The following POM121 variants were observed in gnomAD, a reference collection of about 807,000 sequenced individuals.
The protein encoded by POM121 is POM121 transmembrane nucleoporin.
In POM121, 32 loss-of-function variants were observed where a neutral mutation model predicts 81.3. The observed-to-expected ratio is 0.39, with a 90% CI of 0.30 to 0.53. The LOEUF (loss-of-function observed/expected upper bound fraction) is 0.53, where lower values mean the gene tolerates loss of function less well. Among genes scored for constraint, POM121 ranks in the 20% least tolerant of loss-of-function variants. The probability of loss-of-function intolerance (pLI) is 0.66; values close to 1 mark genes in which losing one functional copy is unlikely to be tolerated. For missense variants in POM121, 1,138 were observed against 1,614.6 expected, an observed-to-expected ratio of 0.70 and a Z score of 5.06; for synonymous variants, 514 against 694.2, an observed-to-expected ratio of 0.74 and a Z score of 4.08.
At position 72,938,498 on chromosome 7, in the gene POM121, G is replaced by A. The variant is rs1251673148; in HGVS notation, c.1276-92G>A. On this transcript the variant is annotated intron_variant, in intron 5 of 12. Transcript: ENST00000434423. ...GACTAACCATTTAACCATAAAGAAT[G>A]TTTTTTTAGTCACTTGAAAAGAGAC... The A allele has an allele frequency of 4.3e-5, 60 of 1,395,510 alleles. No homozygotes were observed. The Admixed American group carries it at 9.9e-4, about 23-fold the overall frequency. The allele number at this position is 1,395,510 out of a possible 1,614,324, so 86.4% of individuals were successfully genotyped here.
intron 4 of POM121, among the ~76,000 whole-genome samples, chr7:72,928,730 A>G (rs1342602104): frequency 1.7e-5 from 2 of 118,862 alleles, no homozygotes; most frequent in Non-Finnish European, 3.9e-5. Flanking sequence ...GCACATACAC[A>G]GAAGGATTGC....
intron 3 of POM121, among the ~76,000 whole-genome samples, chr7:72,899,959 T>C (rs1317339447): frequency 1.3e-5 from 2 of 152,210 alleles, no homozygotes; most frequent in Admixed American, 6.6e-5. Context: ...AAGGTGGTAA[T>C]GTGGGACACA....
intron 1 of POM121, among the ~76,000 whole-genome samples, chr7:72,881,867 G>T (rs1179069951): frequency 3.3e-5 from 5 of 152,136 alleles, no homozygotes; most frequent in African/African-American, 4.8e-5. Flanking sequence ...CTGACCTCAG[G>T]TGATCCTCCT....
upstream of POM121, among the ~76,000 whole-genome samples, chr7:72,921,957 CTTAT>C (rs1794853680): frequency 1.3e-5 from 2 of 152,164 alleles, no homozygotes; most frequent in South Asian, 4.1e-4. Context: ...CTTCTTCACC[CTTAT>C]TTTTTACTAG....
At chr7:72,896,411 A>G (rs1298835100) in intron 3 of POM121, among the ~76,000 whole-genome samples, 1 of 148,690 alleles carries the variant, frequency 6.7e-6, no homozygotes, top group African/African-American at 2.5e-5. Context: ...GCTTGAGCCC[A>G]GGAGGTCAAG....
chr7:72,928,206 G>C (rs1313239881), intron 3 of POM121, among the ~76,000 whole-genome samples, 179 bp from the exon 4 acceptor site: 4 of 151,562 alleles, frequency 2.6e-5, no homozygotes, highest in Non-Finnish European at 5.9e-5. Context: ...GCGAAACTCT[G>C]TCTGAAAAAA....
intron 4 of POM121, among the ~76,000 whole-genome samples, chr7:72,915,955 C>T (rs1794258365): frequency 6.6e-6 from 1 of 152,232 alleles, no homozygotes; most frequent in South Asian, 2.1e-4. Flanking sequence ...CAGGCGTGAG[C>T]CACCGTGCCT....
At position 72,926,255 on chromosome 7, in the gene POM121, T is replaced by G; in HGVS notation, c.645-7T>G. The G allele has an allele frequency of 6.4e-7, 1 of 1,553,094 alleles. No individual in the cohort carries two copies. The highest frequency in any genetic ancestry group is 8.7e-7 in the Non-Finnish European group (1 of 1,147,170). On this transcript the variant is annotated splice_polypyrimidine_tract_variant and splice_region_variant and intron_variant, in intron 1 of 12. Transcript: ENST00000434423. ...TGGTTCCGTGATTTGTCTCGCATTCTCTGCAGGGATTGTGGGACTTTACCA... is the reference window on the plus strand; with the variant it reads ...TGGTTCCGTGATTTGTCTCGCATTCGCTGCAGGGATTGTGGGACTTTACCA...
intron 4 of POM121, among the ~76,000 whole-genome samples, chr7:72,915,695 CAG>C (rs1218203987): frequency 6.6e-6 from 1 of 151,840 alleles, no homozygotes; most frequent in Non-Finnish European, 1.5e-5. Context: ...TGTTTTGAGA[CAG>C]AGTCTCACTG....
Position 72,938,685 on chromosome 7 carries a change from C to T in POM121, c.1367+4C>T, listed in dbSNP as rs782638039. On this transcript the variant is annotated splice_donor_region_variant and intron_variant, in intron 6 of 12. Transcript: ENST00000434423. ...AGAGGCCAGCAAAGAAAATAAGGTA[C>T]TTGGCATTCTCCTGCAGTTTTCATT... 1.2e-6 allele frequency: 2 copies of T among 1,613,018 alleles called. No individual in the cohort carries two copies. Among genetic ancestry groups the T allele is most frequent in the Non-Finnish European group, 1.7e-6 (2 of 1,178,990 alleles).
In POM121 at chr7:72,946,507, T is replaced by C; in HGVS notation, c.*273T>C. On this transcript the variant is annotated 3_prime_UTR_variant, in exon 13 of 13. Coordinates refer to ENST00000434423, the MANE Select transcript of POM121 (RefSeq NM_001387691.1). ...GAGGCTGGAGAACTAAGGAAACACCTGTACATAGTGTCCGCTGCCCTGACT... is the reference window on the plus strand; with the variant it reads ...GAGGCTGGAGAACTAAGGAAACACCCGTACATAGTGTCCGCTGCCCTGACT... 1 of 1,254,598 alleles carries C rather than the reference T, an allele frequency of 8.0e-7. No individual in the cohort carries two copies. Among genetic ancestry groups the C allele is most frequent in the Non-Finnish European group, 1.0e-6 (1 of 994,368 alleles). 77.7% of individuals were successfully genotyped at this position (1,254,598 alleles called of 1,614,324 possible). A position where few individuals can be genotyped will look rare whatever the true frequency, so the allele number is the denominator to read the frequency against.
At chr7:72,938,169 C>G (rs1350812121) in intron 5 of POM121, among the ~76,000 whole-genome samples, 1 of 151,888 alleles carries the variant, frequency 6.6e-6, no homozygotes, top group Non-Finnish European at 1.5e-5. Flanking sequence ...ATAATTAATA[C>G]TGGCAGTTGA....
intron 4 of POM121, among the ~76,000 whole-genome samples, chr7:72,914,003 T>G (rs1222213845): frequency 1.3e-5 from 2 of 152,212 alleles, no homozygotes; most frequent in Non-Finnish European, 2.9e-5. Context: ...TGCACATCTT[T>G]GTGATTGCCC....
Position 72,899,892 on chromosome 7 carries a change from T to G in POM121, c.-216+8782T>G, listed in dbSNP as rs1400426141. ...CCACGCCTGGTGCTTTATATTAAATTTAAACGTACTTGAGCACCAGATTTT... is the reference window on the plus strand; with the variant it reads ...CCACGCCTGGTGCTTTATATTAAATGTAAACGTACTTGAGCACCAGATTTT... On this transcript the variant is annotated intron_variant, in intron 3 of 15. Transcript: ENST00000395270. Among the ~76,000 whole-genome samples, 8 of 147,384 alleles carry G rather than the reference T, an allele frequency of 5.4e-5. 1 individual carries two copies. Among genetic ancestry groups the G allele is most frequent in the African/African-American group, 1.9e-4 (8 of 41,406 alleles).
chr7:72,932,274 T>G (rs1167182047), intron 5 of POM121, among the ~76,000 whole-genome samples: 8 of 151,870 alleles, frequency 5.3e-5, no homozygotes, highest in African/African-American at 1.9e-4. Context: ...TTATCCTTTA[T>G]TGTTTTTTAA....
At chr7:72,945,414 A>G (rs1797582384) in intron 11 of POM121, among the ~76,000 whole-genome samples, 172 bp from the exon 12 acceptor site, 1 of 151,938 alleles carries the variant, frequency 6.6e-6, no homozygotes, top group South Asian at 2.1e-4. Context: ...CTGGGGCACC[A>G]GGCATGAAGA....
chr7:72,939,496 G>A (rs782803985), intron 7 of POM121, 87 bp downstream of exon 7: 78 of 1,549,888 alleles, frequency 5.0e-5, no homozygotes, highest in Middle Eastern at 1.7e-4. Context: ...TTGAAAAAAG[G>A]TCTTGAGCAT....
chr7:72,908,627 C>T (rs1336800976), intron 3 of POM121, among the ~76,000 whole-genome samples: 7 of 152,158 alleles, frequency 4.6e-5, no homozygotes, highest in African/African-American at 1.4e-4. Context: ...CTTATTTCCT[C>T]CCTTATCTGC....
downstream of POM121, chr7:72,949,035 C>T (rs782727094): frequency 6.2e-7 from 1 of 1,613,326 alleles, no homozygotes; most frequent in South Asian, 1.1e-5. Flanking sequence ...GGAACCCTGC[C>T]AGGGCATGCA....
Sources: gnomAD v4.1 joint callset for allele counts (sites outside exome capture counted in the v4.1 genomes callset) on GRCh38, gnomAD v4.1.1 for gene constraint, MANE v1.5 for transcripts, NCBI Gene and HGNC (gene_info 2026-07-23, HGNC 2026-07-21) for gene names.